The following PPM1D variants were observed in gnomAD, a reference collection of about 807,000 sequenced individuals.
PPM1D encodes protein phosphatase, Mg2+/Mn2+ dependent 1D.
PPM1D carries 52 observed loss-of-function variants against 58.3 expected under a neutral mutation model. The observed-to-expected ratio is 0.89, with a 90% CI of 0.71 to 1.12. PPM1D has a LOEUF of 1.12. Ranked by LOEUF, PPM1D falls within the 50% of genes most tolerant of loss-of-function variation. PPM1D has a pLI of 0.00. For missense variants in PPM1D, 564 were observed against 777.2 expected (o/e 0.73, Z 3.26); for synonymous variants, 278 against 285.1 (o/e 0.98, Z 0.25).
intron 5 of PPM1D, among the ~76,000 whole-genome samples, chr17:60,657,273 G>C (rs970517104): frequency 6.6e-6 from 1 of 152,096 alleles, no homozygotes; most frequent in Non-Finnish European, 1.5e-5. Context: ...GATAGCAGAC[G>C]TTACAACTGG....
At chr17:60,612,606 G>T (rs1179549998) in intron 1 of PPM1D, among the ~76,000 whole-genome samples, 3 of 152,030 alleles carry the variant, frequency 2.0e-5, no homozygotes, top group Non-Finnish European at 4.4e-5. Flanking sequence ...TCAAGAAAAA[G>T]AAAATAGAAT....
In PPM1D at chr17:60,664,356, T is replaced by C. The variant is rs2031583162; in HGVS notation, c.*804T>C. ...TTGCTTAAAATATGTGAAGTTTTCC[T>C]TGCTATTTCAATAACAGATGGTGCT... On this transcript the variant is annotated 3_prime_UTR_variant, in exon 6 of 6. Coordinates refer to ENST00000305921, the MANE Select transcript of PPM1D (RefSeq NM_003620.4). 1 of 152,678 alleles carries C rather than the reference T, an allele frequency of 6.5e-6. No homozygotes were observed. The highest frequency in any genetic ancestry group is 1.9e-4 in the East Asian group (1 of 5,206). 9.5% of individuals were successfully genotyped at this position (152,678 alleles called of 1,614,324 possible).
intron 4 of PPM1D, among the ~76,000 whole-genome samples, chr17:60,652,924 G>A (rs906934100): frequency 3.3e-5 from 5 of 152,076 alleles, no homozygotes; most frequent in Admixed American, 2.0e-4. Context: ...CTTGTCAGAT[G>A]GATAGTTTGC....
chr17:60,624,683 G>T (rs1449653620), intron 2 of PPM1D, among the ~76,000 whole-genome samples: 1 of 152,154 alleles, frequency 6.6e-6, no homozygotes, highest in African/African-American at 2.4e-5. Context: ...CTACTCCGGA[G>T]GCTGAGGCAA....
chr17:60,627,675 C>T (rs1306452413), intron 2 of PPM1D, among the ~76,000 whole-genome samples: 1 of 152,116 alleles, frequency 6.6e-6, no homozygotes, highest in African/African-American at 2.4e-5. Flanking sequence ...CCACCTCTGC[C>T]TCCCAAAGTG....
At chr17:60,650,375 AC>A (rs777142584) in intron 4 of PPM1D, among the ~76,000 whole-genome samples, 8 of 152,104 alleles carry the variant, frequency 5.3e-5, no homozygotes, top group Non-Finnish European at 8.8e-5. Context: ...ACATGGTGAA[AC>A]CCCATCTCTA....
rs1357461437 is a variant in PPM1D, at chr17:60,663,196, G to C, written c.1462G>C (p.Asp488His). 1 of 1,614,110 alleles carries C rather than the reference G, an allele frequency of 6.2e-7. No individual in the cohort carries two copies. Among genetic ancestry groups the C allele is most frequent in the East Asian group, 2.2e-5 (1 of 44,878 alleles). Residue 488 changes from aspartate (D) to histidine (H), a missense_variant, in exon 6 of 6, where the codon GAT (aspartate) becomes CAT (histidine). By Grantham distance (81) the Asp-to-His change is moderately conservative. Transcript: ENST00000305921. ...TAAAGCCCTGACTTTAAGGATACAT[G>C]ATTCTTTGAATAATAGCCTTCCAAT... ...CAKALTLRIH[D>H]SLNNSLPIGL...
intron 4 of PPM1D, among the ~76,000 whole-genome samples, chr17:60,654,599 C>T (rs1370660560): frequency 6.6e-6 from 1 of 151,724 alleles, no homozygotes; most frequent in African/African-American, 2.4e-5. Context: ...CGGCGGTTCA[C>T]ACCTGTAATT....
intron 1 of PPM1D, among the ~76,000 whole-genome samples, chr17:60,615,677 T>C (rs2030568072): frequency 6.9e-6 from 1 of 144,300 alleles, no homozygotes. Context: ...TCTTTTTACT[T>C]TTTTTTTTTT....
intron 5 of PPM1D, among the ~76,000 whole-genome samples, chr17:60,660,408 C>A (rs999927587): frequency 6.6e-6 from 1 of 152,254 alleles, no homozygotes; most frequent in South Asian, 2.1e-4. Context: ...ACTAGAAATT[C>A]TTTGTCCTTT....
At chr17:60,649,089 G>GC (rs1236480077) in intron 4 of PPM1D, among the ~76,000 whole-genome samples, 2 of 150,348 alleles carry the variant, frequency 1.3e-5, no homozygotes, top group African/African-American at 4.9e-5. Context: ...TACTTTTTTT[G>GC]TTTTTTTTTC....
At chr17:60,617,187 G>A (rs926084927) in intron 1 of PPM1D, among the ~76,000 whole-genome samples, 1 of 151,108 alleles carries the variant, frequency 6.6e-6, no homozygotes, top group Non-Finnish European at 1.5e-5. Flanking sequence ...TGGTCTCCTG[G>A]CCTCAAGTGG....
intron 2 of PPM1D, among the ~76,000 whole-genome samples, chr17:60,632,858 T>G (rs2030950618): frequency 6.6e-6 from 1 of 151,632 alleles, no homozygotes; most frequent in Non-Finnish European, 1.5e-5. Context: ...TTCCAGCTAC[T>G]TGGGAGGCTG....
At chr17:60,628,338 GAACCTACACT>G (rs2030852621) in intron 2 of PPM1D, among the ~76,000 whole-genome samples, 1 of 152,112 alleles carries the variant, frequency 6.6e-6, no homozygotes, top group East Asian at 1.9e-4. Flanking sequence ...ATCAATCAGT[GAACCTACACT>G]GACATACTGT....
At chr17:60,608,231 T>C (rs749544115) in intron 1 of PPM1D, among the ~76,000 whole-genome samples, 13 of 152,226 alleles carry the variant, frequency 8.5e-5, no homozygotes, top group Non-Finnish European at 1.8e-4. Context: ...CTTAGAGAAA[T>C]AGAAGCAATT....
chr17:60,629,930 C>T (rs957398598), intron 2 of PPM1D, among the ~76,000 whole-genome samples: 8 of 152,096 alleles, frequency 5.3e-5, no homozygotes, highest in Non-Finnish European at 8.8e-5. Flanking sequence ...ATCCCAGCTA[C>T]TCGGGAGGCT....
rs567678891 is a variant in PPM1D at position 60,627,873 on chromosome 17, T to C, written c.701+4124T>C. Among the ~76,000 whole-genome samples the C allele has an allele frequency of 2.6e-4, 39 of 152,014 alleles. No individual in the cohort carries two copies. In the South Asian group the frequency reaches 7.9e-3, roughly 31 times the overall value. ...GCCATTAGTCAGTCAATGAAGACATTAGTTGAATAGAAATTTTTTTTTTTT... is the reference window on the plus strand; with the variant it reads ...GCCATTAGTCAGTCAATGAAGACATCAGTTGAATAGAAATTTTTTTTTTTT... On this transcript the variant is annotated intron_variant, in intron 2 of 5. Coordinates refer to ENST00000305921, the MANE Select transcript of PPM1D (RefSeq NM_003620.4).
intron 5 of PPM1D, among the ~76,000 whole-genome samples, chr17:60,658,890 G>T (rs892780052): frequency 1.3e-5 from 2 of 152,126 alleles, no homozygotes; most frequent in African/African-American, 4.8e-5. Context: ...AACCCGGGAG[G>T]TAGAGGTTGC....
intron 1 of PPM1D, among the ~76,000 whole-genome samples, chr17:60,601,646 A>G (rs2030214558): frequency 6.6e-6 from 1 of 152,180 alleles, no homozygotes; most frequent in Non-Finnish European, 1.5e-5. Context: ...GGTTGTTCCT[A>G]GTTTAAAAAG....
Sources: gnomAD v4.1 joint callset for allele counts (sites outside exome capture counted in the v4.1 genomes callset) on GRCh38, gnomAD v4.1.1 for gene constraint, MANE v1.5 for transcripts, NCBI Gene and HGNC (gene_info 2026-07-23, HGNC 2026-07-21) for gene names.